The following CCDC73 variants were observed in gnomAD, a reference collection of about 807,000 sequenced individuals.
CCDC73 encodes coiled-coil domain-containing protein 73.
A neutral mutation model predicts 116.5 loss-of-function variants in CCDC73; 95 were observed. The ratio of observed to expected loss-of-function variants is 0.82; its 90% confidence interval spans 0.69 to 0.97. CCDC73 has a LOEUF of 0.97. CCDC73 is among the 50% of genes least tolerant of loss of function. The probability of loss-of-function intolerance (pLI) is 0.00; values close to 1 mark genes in which losing one functional copy is unlikely to be tolerated. For synonymous variants in CCDC73, 398 were observed against 401.3 expected, an observed-to-expected ratio of 0.99 and a Z score of 0.10; for missense variants, 1,066 against 1,206.8, an observed-to-expected ratio of 0.88 and a Z score of 1.73.
At chr11:32,806,950 A>G in the CCDC73 span, among the ~76,000 whole-genome samples, 3,862 of 152,262 alleles carry the variant, frequency 0.025, 81 homozygotes, top group South Asian at 0.049. Context: ...AACTTAAGAC[A>G]AAATAATCTG....
chr11:32,789,833 C>T (rs986601551), intron 1 of CCDC73, among the ~76,000 whole-genome samples: 61 of 152,000 alleles, frequency 4.0e-4, no homozygotes, highest in African/African-American at 1.2e-3. Flanking sequence ...TACGGATATA[C>T]AAAATAATTA....
chr11:32,616,756 A>G (rs565599192), intron 14 of CCDC73, among the ~76,000 whole-genome samples: 1 of 152,350 alleles, frequency 6.6e-6, no homozygotes, highest in South Asian at 2.1e-4. Context: ...GCTTTGGGAT[A>G]CAATGATGAA....
At chr11:32,646,141 T>C (rs964684078) in intron 12 of CCDC73, among the ~76,000 whole-genome samples, 6 of 152,238 alleles carry the variant, frequency 3.9e-5, no homozygotes, top group Non-Finnish European at 8.8e-5. Context: ...AATCATTTCT[T>C]GTCTGCACCC....
intron 12 of CCDC73, among the ~76,000 whole-genome samples, chr11:32,645,191 G>A (rs1355196325): frequency 6.6e-6 from 1 of 151,904 alleles, no homozygotes; most frequent in East Asian, 1.9e-4. Context: ...AATACCCACA[G>A]AACTGTCATT....
chr11:32,725,971 T>C (rs897328928), intron 2 of CCDC73, among the ~76,000 whole-genome samples: 4 of 152,202 alleles, frequency 2.6e-5, no homozygotes, highest in African/African-American at 9.7e-5. Flanking sequence ...GCTACACTTT[T>C]AGAGTACAAA....
intron 3 of CCDC73, among the ~76,000 whole-genome samples, chr11:32,708,651 GGTT>G (rs1849874553): frequency 6.6e-6 from 1 of 151,604 alleles, no homozygotes; most frequent in South Asian, 2.1e-4. Context: ...ATGTTTTTTT[GGTT>G]GTTGTTTGTT....
the CCDC73 span, among the ~76,000 whole-genome samples, chr11:32,810,205 T>C: frequency 3.9e-5 from 6 of 152,346 alleles, no homozygotes; most frequent in African/African-American, 1.4e-4. Context: ...AAGGAGTGGA[T>C]TGCCCCTTGA....
chr11:32,624,176 CA>C (rs35801105), intron 14 of CCDC73, among the ~76,000 whole-genome samples: 57,338 of 141,100 alleles, frequency 0.41, 11,434 homozygotes, highest in African/African-American at 0.51. Context: ...TACTAAAATA[CA>C]AAAAAAAAAA....
chr11:32,672,918 C>G (rs1206142224), intron 9 of CCDC73, among the ~76,000 whole-genome samples: 1 of 151,978 alleles, frequency 6.6e-6, no homozygotes, highest in Admixed American at 6.6e-5. Flanking sequence ...GAATGAAGTC[C>G]AAGGAATATA....
At chr11:32,792,570 CAATTTAGGA>C (rs2133409073) in intron 1 of CCDC73, among the ~76,000 whole-genome samples, 1 of 152,296 alleles carries the variant, frequency 6.6e-6, no homozygotes, top group Non-Finnish European at 1.5e-5. Flanking sequence ...CCCTGGAACA[CAATTTAGGA>C]AATACTGTCT....
intron 14 of CCDC73, among the ~76,000 whole-genome samples, chr11:32,623,246 C>T (rs1381665245): frequency 1.3e-5 from 2 of 152,142 alleles, no homozygotes; most frequent in East Asian, 1.9e-4. Context: ...ACCTTGTGAT[C>T]CACCTGCCTC....
intron 6 of CCDC73, among the ~76,000 whole-genome samples, chr11:32,684,512 C>T (rs1218050132): frequency 2.0e-5 from 3 of 152,096 alleles, no homozygotes; most frequent in Non-Finnish European, 2.9e-5. Context: ...ACACAGTATT[C>T]CATTTTTTAA....
At chr11:32,799,692 TC>T in the CCDC73 span, among the ~76,000 whole-genome samples, 1 of 152,198 alleles carries the variant, frequency 6.6e-6, no homozygotes, top group East Asian at 1.9e-4. Context: ...AGTTTTCATA[TC>T]CTACACTATT....
intron 9 of CCDC73, among the ~76,000 whole-genome samples, chr11:32,659,622 AAC>A (rs1855903982): frequency 6.6e-6 from 1 of 152,188 alleles, no homozygotes; most frequent in African/African-American, 2.4e-5. Flanking sequence ...ATTTGTACAA[AAC>A]ACAGTATTTG....
chr11:32,606,806 C>CTTTTTTTT (rs10591021), intron 17 of CCDC73, among the ~76,000 whole-genome samples: 2 of 101,062 alleles, frequency 2.0e-5, no homozygotes, highest in African/African-American at 3.9e-5. Context: ...AAAATAAATT[C>CTTTTTTTT]TTTTTTTTTT....
intron 6 of CCDC73, among the ~76,000 whole-genome samples, chr11:32,684,521 A>G (rs1464634806): frequency 6.6e-6 from 1 of 152,220 alleles, no homozygotes; most frequent in African/African-American, 2.4e-5. Flanking sequence ...TCCATTTTTT[A>G]ACTTTACCAT....
At chr11:32,760,406 T>C (rs1850382155) in intron 1 of CCDC73, 148 bp from the exon 2 acceptor site, 11 of 521,468 alleles carry the variant, frequency 2.1e-5, no homozygotes, top group Non-Finnish European at 2.7e-5. Context: ...CACTCTAATG[T>C]TGACCAAAAA....
At chr11:32,608,029 C>G (rs1590539689) in intron 17 of CCDC73, among the ~76,000 whole-genome samples, 2 of 126,306 alleles carry the variant, frequency 1.6e-5, no homozygotes, top group South Asian at 2.6e-4. Flanking sequence ...ACCGGCCCCC[C>G]CCACGATTCT....
At chr11:32,712,195 T>C (rs751582019) in intron 3 of CCDC73, among the ~76,000 whole-genome samples, 7 of 152,100 alleles carry the variant, frequency 4.6e-5, no homozygotes, top group Non-Finnish European at 1.0e-4. Context: ...ATCTCACTTA[T>C]ATATGGGACC....
Sources: gnomAD v4.1 joint callset for allele counts (sites outside exome capture counted in the v4.1 genomes callset) on GRCh38, gnomAD v4.1.1 for gene constraint, MANE v1.5 for transcripts, NCBI Gene and HGNC (gene_info 2026-07-23, HGNC 2026-07-21) for gene names.